Variants in ERC1 observed in about 807,000 individuals in gnomAD.
ERC1 encodes the protein RAB6 interacting protein 2.
ERC1 carries 56 observed loss-of-function variants against 132.0 expected under a neutral mutation model. The ratio of observed to expected loss-of-function variants is 0.42; its 90% CI spans 0.34 to 0.53. ERC1 has a LOEUF of 0.53. Ranked by LOEUF, ERC1 falls within the 20% of genes least tolerant of loss-of-function variation. The pLI, the probability that ERC1 is intolerant of heterozygous loss-of-function variation, is 0.03. For missense variants in ERC1, 1,202 were observed against 1,349.9 expected (o/e 0.89, Z 1.72); for synonymous variants, 478 against 476.1 (o/e 1.00, Z -0.05).
chr12:1,385,284 T>C (rs964803531), intron 16 of ERC1, among the ~76,000 whole-genome samples: 4 of 151,674 alleles, frequency 2.6e-5, no homozygotes, highest in African/African-American at 4.8e-5. Flanking sequence ...CTTCCTATCT[T>C]TTTTTTTTCT....
At chr12:1,261,056 C>G (rs1237405550) in intron 13 of ERC1, among the ~76,000 whole-genome samples, 2 of 152,176 alleles carry the variant, frequency 1.3e-5, no homozygotes, top group Admixed American at 6.6e-5. Flanking sequence ...CACTATGAAA[C>G]TTGATTCTCT....
intron 15 of ERC1, among the ~76,000 whole-genome samples, chr12:1,296,388 T>C (rs2079935931): frequency 6.7e-6 from 1 of 148,442 alleles, no homozygotes; most frequent in Non-Finnish European, 1.5e-5. Context: ...AAATGAAACA[T>C]TTATTGGATA....
At chr12:1,283,476 A>G (rs1396859292) in intron 14 of ERC1, among the ~76,000 whole-genome samples, 1 of 152,206 alleles carries the variant, frequency 6.6e-6, no homozygotes, top group Non-Finnish European at 1.5e-5. Context: ...TCTAGCTGGA[A>G]GTGTTCTCCT....
At chr12:1,289,577 G>A (rs1280689493) in intron 14 of ERC1, among the ~76,000 whole-genome samples, 3 of 152,132 alleles carry the variant, frequency 2.0e-5, no homozygotes, top group Non-Finnish European at 4.4e-5. Flanking sequence ...GTCTGTGGCA[G>A]CGTGCGACTT....
At chr12:1,129,364 A>G (rs1948530153) in intron 7 of ERC1, among the ~76,000 whole-genome samples, 1 of 89,342 alleles carries the variant, frequency 1.1e-5, no homozygotes, top group Non-Finnish European at 2.9e-5. Context: ...AGGCAACAAC[A>G]AGAAAAAAAA....
At chr12:1,183,503 AT>A in intron 11 of ERC1, 82 bp downstream of exon 11, 1 of 881,344 alleles carries the variant, frequency 1.1e-6, no homozygotes, top group Non-Finnish European at 1.6e-6. Flanking sequence ...ATATGGAATA[AT>A]TTACCAATGG....
chr12:1,411,617 A>G (rs996010678), intron 17 of ERC1, among the ~76,000 whole-genome samples: 20 of 152,314 alleles, frequency 1.3e-4, no homozygotes, highest in African/African-American at 4.8e-4. Context: ...AGAGCAGTCA[A>G]TGTGCTAATT....
chr12:1,242,506 A>T (rs2075873764), intron 13 of ERC1, among the ~76,000 whole-genome samples: 1 of 152,252 alleles, frequency 6.6e-6, no homozygotes, highest in African/African-American at 2.4e-5. Flanking sequence ...AAGGCAAATG[A>T]AACTTCAAGC....
intron 12 of ERC1, among the ~76,000 whole-genome samples, chr12:1,196,334 C>T (rs920903232): frequency 1.3e-5 from 2 of 152,146 alleles, no homozygotes; most frequent in East Asian, 1.9e-4. Context: ...TTTTTGCCTC[C>T]GACTAGGCAG....
chr12:1,342,599 C>T (rs539846670), intron 15 of ERC1, among the ~76,000 whole-genome samples: 4 of 152,126 alleles, frequency 2.6e-5, no homozygotes, highest in Non-Finnish European at 5.9e-5. Context: ...CCCATGTCTG[C>T]CTGGTATTGT....
At chr12:1,069,479 A>G (rs1240681182) in intron 2 of ERC1, among the ~76,000 whole-genome samples, 1 of 152,190 alleles carries the variant, frequency 6.6e-6, no homozygotes, top group Non-Finnish European at 1.5e-5. Context: ...TGATCTAGAT[A>G]GGATCTAGAT....
intron 13 of ERC1, among the ~76,000 whole-genome samples, chr12:1,257,751 A>G (rs1291676138): frequency 6.6e-6 from 1 of 152,208 alleles, no homozygotes; most frequent in African/African-American, 2.4e-5. Flanking sequence ...CTAGTGCCAC[A>G]TTCTCCAGTA....
rs1299938725 is a variant in ERC1 at position 1,424,858 on chromosome 12, A to C, written c.3024+16611A>C. Among the ~76,000 whole-genome samples, 183 of 118,890 alleles carry C rather than the reference A, an allele frequency of 1.5e-3. 1 individual carries two copies. The highest frequency in any genetic ancestry group is 6.5e-3 in the African/African-American group (168 of 25,714). The allele number at this position is 118,890 out of a possible 152,430, so 78.0% of individuals were successfully genotyped here. On this transcript the variant is annotated intron_variant, in intron 17 of 18. Coordinates refer to ENST00000360905, the MANE Select transcript of ERC1 (RefSeq NM_178040.4). ...AGATAGATAGATGATAGATAGATAG[A>C]TAGATCGATAGATAGATAGATAGAT...
At chr12:1,051,470 A>G (rs12422349) in intron 2 of ERC1, among the ~76,000 whole-genome samples, 61,967 of 150,030 alleles carry the variant, frequency 0.41, 13,119 homozygotes, top group African/African-American at 0.5. Flanking sequence ...CAGGAGGATC[A>G]CTTGAGGCGA....
chr12:1,271,643 C>T (rs1456685046), intron 14 of ERC1, among the ~76,000 whole-genome samples: 1 of 152,188 alleles, frequency 6.6e-6, no homozygotes, highest in Non-Finnish European at 1.5e-5. Context: ...ACACTATGGC[C>T]TCGAACTCCT....
rs1431361887 is a variant in ERC1 at position 1,115,811 on chromosome 12, TAAG to T, written c.1402-53_1402-51del. 66 of 1,445,442 alleles carry T rather than the reference TAAG, an allele frequency of 4.6e-5. No homozygotes were observed. The East Asian group carries it at 6.0e-4, about 13-fold the overall frequency. 89.5% of individuals were successfully genotyped at this position (1,445,442 alleles called of 1,614,324 possible). ...GACTCAGATCTGTGAAAGATACAGA[TAAG>T]AGGTGTTTGTTTTATTTCTTTTTTC... On this transcript the variant is annotated intron_variant, in intron 6 of 18. Coordinates refer to ENST00000360905, the MANE Select transcript of ERC1 (RefSeq NM_178040.4).
At chr12:1,176,409 T>C (rs942666631) in intron 8 of ERC1, among the ~76,000 whole-genome samples, 1 of 152,128 alleles carries the variant, frequency 6.6e-6, no homozygotes, top group African/African-American at 2.4e-5. Flanking sequence ...GGCTTCATTG[T>C]TCCATTTATA....
chr12:1,032,047 C>CT (rs368829263), intron 2 of ERC1, among the ~76,000 whole-genome samples: 6,057 of 140,034 alleles, frequency 0.043, 155 homozygotes, highest in South Asian at 0.099. Flanking sequence ...TAATCTAATT[C>CT]TTTTTTTTTT....
At chr12:1,136,258 CT>C (rs1949242434) in intron 7 of ERC1, among the ~76,000 whole-genome samples, 1 of 152,178 alleles carries the variant, frequency 6.6e-6, no homozygotes, top group Non-Finnish European at 1.5e-5. Flanking sequence ...ATTCATAGCT[CT>C]CTGAGAAGTT....
Sources: allele counts gnomAD v4.1 joint callset (sites outside exome capture counted in the v4.1 genomes callset), GRCh38; gene constraint gnomAD v4.1.1; transcripts MANE v1.5; gene names NCBI Gene and HGNC (gene_info 2026-07-23, HGNC 2026-07-21).